IREB2: variants seen among roughly 807,000 people sequenced by gnomAD.
The protein encoded by IREB2 is iron-responsive element-binding protein 2.
In IREB2, 39 loss-of-function variants were observed where a neutral mutation model predicts 118.8. The ratio of observed to expected loss-of-function variants is 0.33; its 90% CI spans 0.25 to 0.43. The LOEUF (loss-of-function observed/expected upper bound fraction) is 0.43, where lower values mean the gene tolerates loss of function less well. IREB2 is among the 20% of genes least tolerant of loss of function. The probability of loss-of-function intolerance (pLI) is 1.00; values close to 1 mark genes in which losing one functional copy is unlikely to be tolerated. For missense variants in IREB2, 900 were observed against 1,147.3 expected, an observed-to-expected ratio of 0.78 and a Z score of 3.11; for synonymous variants, 372 against 392.2, an observed-to-expected ratio of 0.95 and a Z score of 0.61.
chr15:78,481,478 C>G (rs1377928497), intron 10 of IREB2, among the ~76,000 whole-genome samples: 3 of 151,910 alleles, frequency 2.0e-5, no homozygotes, highest in Admixed American at 1.3e-4. Flanking sequence ...GCCTCAGCCT[C>G]CCAGGTAGCT....
intron 13 of IREB2, among the ~76,000 whole-genome samples, chr15:78,486,122 A>G (rs2051655468): frequency 6.6e-6 from 1 of 152,234 alleles, no homozygotes; most frequent in African/African-American, 2.4e-5. Context: ...GTACAACCAA[A>G]TAACAGTTAC....
intron 21 of IREB2, 125 bp from the exon 22 acceptor site, chr15:78,497,907 AC>A: frequency 1.7e-6 from 1 of 588,030 alleles, no homozygotes; most frequent in Non-Finnish European, 3.0e-6. Flanking sequence ...AGAAATTAGA[AC>A]CAAGATAAAT....
intron 4 of IREB2, among the ~76,000 whole-genome samples, chr15:78,465,766 T>A (rs2141479471): frequency 6.6e-6 from 1 of 152,296 alleles, no homozygotes; most frequent in African/African-American, 2.4e-5. Flanking sequence ...TAAAGCTCTA[T>A]TTTCCTTCCT....
Position 78,484,812 on chromosome 15 carries a change from T to A in IREB2, c.1465T>A (p.Ser489Thr), listed in dbSNP as rs1366186197. The change falls in exon 12 of 22, where the codon TCC becomes ACC. Residue 489 changes from serine to threonine, a missense_variant. Transcript: ENST00000258886. ...IAAEKQKDIV[S>T]IHYEGSEYKL... is the part of the protein sequence containing the mutation. ...AGCTGAAAAACAAAAGGATATTGTCTCCATTCATTATGAAGGAAGTGAATA... is the reference window on the plus strand; with the variant it reads ...AGCTGAAAAACAAAAGGATATTGTCACCATTCATTATGAAGGAAGTGAATA... The A allele has an allele frequency of 3.1e-6, 5 of 1,613,492 alleles. No homozygotes were observed. Among genetic ancestry groups the A allele is most frequent in the African/African-American group, 1.3e-5 (1 of 74,940 alleles).
At chr15:78,493,874 T>C in intron 18 of IREB2, 35 bp from the exon 19 acceptor site, 3 of 1,587,160 alleles carry the variant, frequency 1.9e-6, no homozygotes, top group Non-Finnish European at 2.6e-6. Context: ...ATTTTCCACA[T>C]GTAATGAAAA....
chr15:78,481,323 C>T (rs946601956), intron 10 of IREB2, among the ~76,000 whole-genome samples: 2 of 151,978 alleles, frequency 1.3e-5, no homozygotes, highest in African/African-American at 4.8e-5. Context: ...CTGCCTCAGC[C>T]TCCTGAGTAG....
Position 78,475,908 on chromosome 15 carries a change from T to TTTCAAACAC in IREB2, c.1024-280_1024-279insTTCAAACAC, listed in dbSNP as rs1185371865. 1.7e-5 allele frequency: 4 copies of TTTCAAACAC among 229,698 alleles called. No homozygotes were observed. The East Asian group carries it at 3.5e-4, about 20-fold the overall frequency. 14.2% of individuals were successfully genotyped at this position (229,698 alleles called of 1,614,324 possible). A position where few individuals can be genotyped will look rare whatever the true frequency, so the allele number is the denominator to read the frequency against. On this transcript the variant is annotated intron_variant, in intron 8 of 21. Transcript: ENST00000258886. ...AAACAGACACACTATTGAGTTGAGG[T>TTTCAAACAC]ACCCTGATTTCAAAGACATGAAAAT...
At chr15:78,450,865 T>C (rs1166175296) in intron 2 of IREB2, among the ~76,000 whole-genome samples, 1 of 151,328 alleles carries the variant, frequency 6.6e-6, no homozygotes, top group Non-Finnish European at 1.5e-5. Context: ...TGTGTGTGTG[T>C]GTGTGTGTAT....
chr15:78,471,741 TG>T lies in IREB2; in HGVS notation c.702del (p.Trp234Ter). The T allele has an allele frequency of 6.3e-7, 1 of 1,581,750 alleles. No individual in the cohort carries two copies. The highest frequency in any genetic ancestry group is 1.2e-5 in the South Asian group (1 of 84,916). ...RNRERLQFFK[W>X]SSRVFKNVAV... is the part of the protein sequence containing the mutation. Reference sequence around the variant, plus strand: ...TTTCTTAAATTTAAACAAAATATAGTGGAGTTCAAGAGTTTTTAAGAATGTG... The same window carrying T: ...TTTCTTAAATTTAAACAAAATATAGTGAGTTCAAGAGTTTTTAAGAATGTG... On this transcript the variant is annotated frameshift_variant and splice_region_variant, in exon 7 of 22. Transcript: ENST00000258886. LOFTEE classifies it high-confidence loss of function.
intron 2 of IREB2, among the ~76,000 whole-genome samples, chr15:78,450,917 C>T (rs1377768925): frequency 6.8e-6 from 1 of 146,210 alleles, no homozygotes; most frequent in Non-Finnish European, 1.5e-5. Flanking sequence ...GGAAGTTCTG[C>T]ATAACTTGAT....
chr15:78,439,495 G>A (rs2050811159), intron 1 of IREB2, among the ~76,000 whole-genome samples: 1 of 152,038 alleles, frequency 6.6e-6, no homozygotes, highest in African/African-American at 2.4e-5. Context: ...TATCTTACTA[G>A]TTTTTACTTG....
intron 10 of IREB2, among the ~76,000 whole-genome samples, chr15:78,482,809 G>A (rs1374906038): frequency 2.0e-5 from 3 of 151,256 alleles, no homozygotes; most frequent in South Asian, 2.1e-4. Context: ...GTGCAGTGGC[G>A]CGATCTTGGC....
chr15:78,461,880 TTTTC>T (rs1425224555), intron 2 of IREB2, among the ~76,000 whole-genome samples: 5 of 152,304 alleles, frequency 3.3e-5, no homozygotes, highest in Admixed American at 2.0e-4. Context: ...CTGAATATAG[TTTTC>T]TTTCTTTGTG....
At chr15:78,447,332 ATTT>A (rs778920348) in intron 2 of IREB2, among the ~76,000 whole-genome samples, 2 of 138,454 alleles carry the variant, frequency 1.4e-5, no homozygotes, top group Non-Finnish European at 1.6e-5. Context: ...CACCTGGCTA[ATTT>A]TTTTTTTTTT....
In IREB2 at chr15:78,497,114, C is replaced by T; in HGVS notation, c.2596-12C>T. 2.5e-6 allele frequency: 4 copies of T among 1,601,598 alleles called. No homozygotes were observed. The highest frequency in any genetic ancestry group is 3.4e-6 in the Non-Finnish European group (4 of 1,168,890). On this transcript the variant is annotated splice_polypyrimidine_tract_variant and intron_variant, in intron 20 of 21. Coordinates refer to ENST00000258886, the MANE Select transcript of IREB2 (RefSeq NM_004136.4). The stretch of plus-strand genomic sequence containing the variant: ...AAGTGATTAGAGGGAATAAAATGCA[C>T]ATTTATTACAGGGTGTGAAAGCTGT...
chr15:78,490,783 GTGTTTT>G (rs773705331), intron 18 of IREB2, 22 bp downstream of exon 18: 5 of 1,603,832 alleles, frequency 3.1e-6, no homozygotes, highest in Non-Finnish European at 4.3e-6. Flanking sequence ...TGGCTTTAGA[GTGTTTT>G]TGTTTTTTCT....
At position 78,469,973 on chromosome 15, in the gene IREB2, A is replaced by G. The variant is rs188897153; in HGVS notation, c.630-559A>G. 3.6e-3 allele frequency among the ~76,000 whole-genome samples: 552 copies of G among 152,370 alleles called. 3 individuals carry two copies. The highest frequency in any genetic ancestry group is 0.013 in the African/African-American group (536 of 41,586). Reference sequence around the variant, plus strand: ...ATTATTTTTGTCTCTTAGTTTAAATAATTCATGTAAACTATATTTATAATC... The same window carrying G: ...ATTATTTTTGTCTCTTAGTTTAAATGATTCATGTAAACTATATTTATAATC... On this transcript the variant is annotated intron_variant, in intron 5 of 21. Transcript: ENST00000258886.
intron 2 of IREB2, among the ~76,000 whole-genome samples, chr15:78,447,521 G>A (rs965791456): frequency 3.9e-5 from 6 of 151,930 alleles, no homozygotes; most frequent in African/African-American, 1.5e-4. Flanking sequence ...AGTAGAGATG[G>A]CATTTCACCA....
chr15:78,487,591 AT>A (rs1566992347), intron 13 of IREB2, 141 bp from the exon 14 acceptor site: 1 of 558,374 alleles, frequency 1.8e-6, no homozygotes, highest in Non-Finnish European at 3.2e-6. Flanking sequence ...TCTGAGGTGA[AT>A]ATATTGATGA....
Sources: allele counts gnomAD v4.1 joint callset (sites outside exome capture counted in the v4.1 genomes callset), GRCh38; gene constraint gnomAD v4.1.1; transcripts MANE v1.5; gene names NCBI Gene and HGNC (gene_info 2026-07-23, HGNC 2026-07-21).